The following POC1A variants were observed in gnomAD, a reference collection of about 807,000 sequenced individuals.
POC1A encodes POC1 centriolar protein homolog A.
A neutral mutation model predicts 47.8 loss-of-function variants in POC1A; 34 were observed. That is an observed-to-expected ratio of 0.71 (90% CI 0.54 to 0.95). POC1A has a LOEUF of 0.95. Among genes scored for constraint, POC1A ranks in the 40% least tolerant of loss-of-function variants. The pLI is 0.00. For missense variants in POC1A, 466 were observed against 528.3 expected (o/e 0.88, Z 1.16); for synonymous variants, 177 against 207.6 (o/e 0.85, Z 1.27).
chr3:52,126,689 G>A (rs1432971029), intron 7 of POC1A, among the ~76,000 whole-genome samples: 6 of 152,238 alleles, frequency 3.9e-5, no homozygotes, highest in Admixed American at 1.3e-4. Flanking sequence ...GTCCAAGATC[G>A]GGGGCCAGCA....
At chr3:52,146,097 C>T (rs1698355292) in intron 5 of POC1A, 136 bp from the exon 6 acceptor site, 4 of 613,082 alleles carry the variant, frequency 6.5e-6, no homozygotes, top group Admixed American at 2.7e-5. Context: ...CTTTCTGTCA[C>T]ACTTGTTTAC....
chr3:52,133,935 T>G (rs577017766), intron 7 of POC1A, among the ~76,000 whole-genome samples: 41 of 152,346 alleles, frequency 2.7e-4, no homozygotes, highest in African/African-American at 7.5e-4. Context: ...CCACTGGCCC[T>G]AAGATGCAGT....
In POC1A at chr3:52,149,859, A is replaced by G; in HGVS notation, c.232T>C (p.Ser78Pro). 9.3e-6 allele frequency: 15 copies of G among 1,613,942 alleles called. No homozygotes were observed. Among genetic ancestry groups the G allele is most frequent in the African/African-American group, 4.0e-5 (3 of 75,058 alleles). Residue 78 changes from serine (S) to proline (P), a missense_variant, in exon 3 of 11, where the codon TCC (serine) becomes CCC (proline). By Grantham distance (74) the Ser-to-Pro change is moderately conservative. Coordinates refer to ENST00000296484, the MANE Select transcript of POC1A (RefSeq NM_015426.5). ...CGGACAGTCTTGTCTCGGGAGCCGG[A>G]AGCAAGCAGGTGTCCCGAAGGAGAG... The part of the protein sequence containing the change: ...NFSPSGHLLA[S>P]GSRDKTVRIW...
chr3:52,102,721 T>C (rs1703042308), intron 9 of POC1A, among the ~76,000 whole-genome samples: 1 of 152,222 alleles, frequency 6.6e-6, no homozygotes, highest in African/African-American at 2.4e-5. Flanking sequence ...AAAATGTGTA[T>C]GTTGAAAACT....
chr3:52,150,925 G>A (rs763743898), intron 2 of POC1A, 91 bp downstream of exon 2: 1 of 1,147,448 alleles, frequency 8.7e-7, no homozygotes, highest in East Asian at 2.4e-5. Flanking sequence ...TGCAGTCCTT[G>A]TGCTCTGCTT....
chr3:52,093,456 C>T (rs1417938623), intron 10 of POC1A, among the ~76,000 whole-genome samples: 1 of 152,160 alleles, frequency 6.6e-6, no homozygotes, highest in East Asian at 1.9e-4. Flanking sequence ...TCATGCAGAT[C>T]CCCCTGGCCC....
At chr3:52,120,450 G>A (rs902378416) in intron 9 of POC1A, among the ~76,000 whole-genome samples, 1 of 152,168 alleles carries the variant, frequency 6.6e-6, no homozygotes, top group Non-Finnish European at 1.5e-5. Context: ...TAAGGAAAGA[G>A]GTCTGATCTG....
intron 7 of POC1A, among the ~76,000 whole-genome samples, chr3:52,134,003 G>A (rs912832188): frequency 6.6e-6 from 1 of 152,332 alleles, no homozygotes; most frequent in African/African-American, 2.4e-5. Context: ...GGTCCCCTGC[G>A]TCCAAACCAA....
chr3:52,101,090 CAA>C (rs146285042), intron 9 of POC1A, among the ~76,000 whole-genome samples: 24 of 56,964 alleles, frequency 4.2e-4, no homozygotes, highest in Admixed American at 8.2e-4. Context: ...CAACCCTCAG[CAA>C]AAAAAAAAAA....
chr3:52,118,256 G>A (rs1703645468), intron 9 of POC1A, among the ~76,000 whole-genome samples: 1 of 152,106 alleles, frequency 6.6e-6, no homozygotes, highest in South Asian at 2.1e-4. Context: ...TCCTTCATCT[G>A]CAACCTTCTA....
In POC1A at chr3:52,149,324, T is replaced by C. The variant is rs1244222586; in HGVS notation, c.341A>G (p.Asp114Gly). The change falls in exon 4 of 11, where the codon GAT (aspartate) becomes GGT (glycine). Residue 114 changes from aspartate to glycine, a missense_variant. Coordinates refer to ENST00000296484, the MANE Select transcript of POC1A (RefSeq NM_015426.5). ...AGAGGCTGTCACGAAGGACTGGCCA[T>C]CACTGCAGAAGTGGACACTCCTCAC... ...ATVRSVHFCS[D>G]GQSFVTASDD... The C allele has an allele frequency of 6.2e-7, 1 of 1,614,158 alleles. No homozygotes were observed. The highest frequency in any genetic ancestry group is 8.5e-7 in the Non-Finnish European group (1 of 1,180,010).
At chr3:52,114,774 A>G (rs1703502865) in intron 9 of POC1A, among the ~76,000 whole-genome samples, 1 of 152,164 alleles carries the variant, frequency 6.6e-6, no homozygotes, top group African/African-American at 2.4e-5. Context: ...ATGAAAAAGA[A>G]AGTCCCCACT....
chr3:52,077,684 T>G (rs1020932471), intron 10 of POC1A, among the ~76,000 whole-genome samples: 1 of 152,242 alleles, frequency 6.6e-6, no homozygotes, highest in Non-Finnish European at 1.5e-5. Flanking sequence ...CCTGGAAGTT[T>G]CCACTGGCTG....
At position 52,149,956 on chromosome 3, in the gene POC1A, G is replaced by C; in HGVS notation, c.135C>G (p.Val45=). Residue 45 remains valine (V), a synonymous_variant, in exon 3 of 11, where the codon GTC becomes GTG. Coordinates refer to ENST00000296484, the MANE Select transcript of POC1A (RefSeq NM_015426.5). ...ASGSMDSCLM[V]WHMKPQSRAY... is the part of the protein sequence containing the mutation. Reference sequence around the variant, plus strand: ...CGCGTGACTGCGGCTTCATGTGCCAGACCATGAGGCATGAGTCCATGGAGC... The same window carrying C: ...CGCGTGACTGCGGCTTCATGTGCCACACCATGAGGCATGAGTCCATGGAGC... 1 of 1,613,732 alleles carries C rather than the reference G, an allele frequency of 6.2e-7. No homozygotes were observed. The highest frequency in any genetic ancestry group is 8.5e-7 in the Non-Finnish European group (1 of 1,180,006).
At chr3:52,103,767 T>C (rs1420662927) in intron 9 of POC1A, among the ~76,000 whole-genome samples, 1 of 151,952 alleles carries the variant, frequency 6.6e-6, no homozygotes. Context: ...ATTAGGATAA[T>C]GGAAGTTAAA....
intron 2 of POC1A, 101 bp from the exon 3 acceptor site, chr3:52,150,088 T>C (rs1698509505): frequency 1.1e-6 from 1 of 901,636 alleles, no homozygotes; most frequent in Non-Finnish European, 1.7e-6. Context: ...CAGCTCCATC[T>C]TCCCTGGCAT....
chr3:52,109,415 T>C (rs2107032415), intron 9 of POC1A, among the ~76,000 whole-genome samples: 1 of 152,268 alleles, frequency 6.6e-6, no homozygotes, highest in East Asian at 1.9e-4. Context: ...GTTACATTAT[T>C]CTATCTTTTG....
intron 7 of POC1A, among the ~76,000 whole-genome samples, chr3:52,137,110 G>A (rs770575911): frequency 8.5e-5 from 13 of 152,164 alleles, no homozygotes; most frequent in Non-Finnish European, 1.2e-4. Flanking sequence ...GGATGTGCTG[G>A]CCCAGGGAGA....
chr3:52,143,090 G>A (rs1219820169), intron 6 of POC1A, among the ~76,000 whole-genome samples: 1 of 151,916 alleles, frequency 6.6e-6, no homozygotes, highest in African/African-American at 2.4e-5. Flanking sequence ...CTGTGTTTAT[G>A]GGGTACTCCA....
Sources: gnomAD v4.1 joint callset for allele counts (sites outside exome capture counted in the v4.1 genomes callset) on GRCh38, gnomAD v4.1.1 for gene constraint, MANE v1.5 for transcripts, NCBI Gene and HGNC (gene_info 2026-07-23, HGNC 2026-07-21) for gene names.